Variants in RAPGEF4 observed in about 807,000 individuals in gnomAD.
The protein encoded by RAPGEF4 is Rap guanine nucleotide exchange factor 4.
In RAPGEF4, 66 loss-of-function variants were observed where a neutral mutation model predicts 147.9. The observed-to-expected ratio is 0.45, with a 90% confidence interval of 0.37 to 0.55. The LOEUF (loss-of-function observed/expected upper bound fraction) is 0.55. Ranked by LOEUF, RAPGEF4 falls within the 20% of genes least tolerant of loss-of-function variation. RAPGEF4 has a pLI of 0.00. For missense variants in RAPGEF4, 1,071 were observed against 1,257.3 expected (o/e 0.85, Z 2.24); for synonymous variants, 419 against 442.7 (o/e 0.95, Z 0.67).
intron 30 of RAPGEF4, among the ~76,000 whole-genome samples, chr2:173,050,319 C>T (rs773017462): frequency 1.2e-4 from 19 of 152,210 alleles, no homozygotes; most frequent in Non-Finnish European, 2.6e-4. Context: ...GGAAATTAAA[C>T]ACAATGTGCT....
chr2:172,967,211 C>T, intron 9 of RAPGEF4, 50 bp from the exon 10 acceptor site: 1 of 1,555,242 alleles, frequency 6.4e-7, no homozygotes, highest in Middle Eastern at 2.0e-4. Context: ...GTAAACGGAG[C>T]TGTGAGGCCG....
At chr2:172,873,697 T>G (rs1292597609) in intron 4 of RAPGEF4, among the ~76,000 whole-genome samples, 1 of 152,128 alleles carries the variant, frequency 6.6e-6, no homozygotes, top group Non-Finnish European at 1.5e-5. Context: ...AACTGACAAA[T>G]GGGTTCTAAT....
intron 1 of RAPGEF4, among the ~76,000 whole-genome samples, chr2:172,772,244 A>G (rs1204081117): frequency 6.6e-6 from 1 of 152,146 alleles, no homozygotes; most frequent in Non-Finnish European, 1.5e-5. Context: ...TCTCAAAGAT[A>G]ATTTTTGAAC....
At chr2:173,038,463 C>T (rs1684325957) in intron 29 of RAPGEF4, among the ~76,000 whole-genome samples, 1 of 152,138 alleles carries the variant, frequency 6.6e-6, no homozygotes, top group African/African-American at 2.4e-5. Context: ...GTTTTGATGG[C>T]TATCATTCTC....
chr2:172,793,317 G>T (rs1490436696), intron 1 of RAPGEF4, among the ~76,000 whole-genome samples: 2 of 152,148 alleles, frequency 1.3e-5, no homozygotes, highest in African/African-American at 4.8e-5. Context: ...ACATGCACAG[G>T]TGCTGAGTAT....
At position 172,985,472 on chromosome 2, in the gene RAPGEF4, C is replaced by T. The variant is rs1692153198; in HGVS notation, c.1129C>T (p.His377Tyr). 1.2e-6 allele frequency: 2 copies of T among 1,613,924 alleles called. No homozygotes were observed. The highest frequency in any genetic ancestry group is 1.7e-6 in the Non-Finnish European group (2 of 1,179,934). Residue 377 changes from histidine to tyrosine, a missense_variant, in exon 12 of 31, where the codon CAC becomes TAC. Physicochemically the swap from His to Tyr is moderately conservative, Grantham distance 83. Transcript: ENST00000397081. Reference protein sequence around the residue: ...ELAGVLIFESHAKGGTVLFNQ... With the variant: ...ELAGVLIFESYAKGGTVLFNQ... The stretch of plus-strand genomic sequence containing the variant: ...AGCAGGTGTTCTCATTTTTGAGTCT[C>T]ACGCCAAAGGAGGGACTGTGTGTAA...
chr2:173,012,073 G>A (rs1695082202), intron 17 of RAPGEF4, among the ~76,000 whole-genome samples: 2 of 152,196 alleles, frequency 1.3e-5, no homozygotes, highest in African/African-American at 4.8e-5. Flanking sequence ...AGGGCACAGT[G>A]TGACATTCTT....
rs750507002 is a variant in RAPGEF4 at position 172,985,432 on chromosome 2, G to A, written c.1090-1G>A. On this transcript the variant is annotated splice_acceptor_variant, in intron 11 of 30. Transcript: ENST00000397081. LOFTEE classifies it high-confidence loss of function. ...GCATGTTTCTTCTGTTTTTCTTCTA[G>A]GTGAAACGAGAGTTAGCAGGTGTTC... 6.2e-7 allele frequency: 1 copy of A among 1,613,866 alleles called. No homozygotes were observed. Among genetic ancestry groups the A allele is most frequent in the East Asian group, 2.2e-5 (1 of 44,870 alleles).
chr2:172,990,952 G>C, intron 15 of RAPGEF4, 27 bp downstream of exon 15: 6 of 1,497,458 alleles, frequency 4.0e-6, no homozygotes, highest in Non-Finnish European at 5.6e-6. Flanking sequence ...CACTGTAATT[G>C]CCAGACTATG....
At chr2:172,917,477 AG>A (rs770772027) in intron 4 of RAPGEF4, 1 of 610,346 alleles carries the variant, frequency 1.6e-6, no homozygotes, top group Non-Finnish European at 3.1e-6. Flanking sequence ...CTCTACAAAA[AG>A]CTGAGCTTGT....
intron 25 of RAPGEF4, among the ~76,000 whole-genome samples, chr2:173,028,979 A>G (rs1696922679): frequency 6.6e-6 from 1 of 152,222 alleles, no homozygotes; most frequent in African/African-American, 2.4e-5. Flanking sequence ...CTAGAAAGGC[A>G]GGTCTACAGC....
In RAPGEF4 at chr2:172,936,320, T is replaced by C. The variant is rs1036198478; in HGVS notation, c.537+14020T>C. Among the ~76,000 whole-genome samples, 4 of 152,222 alleles carry C rather than the reference T, an allele frequency of 2.6e-5. No homozygotes were observed. In the East Asian group the frequency reaches 7.7e-4, roughly 29 times the overall value. ...AGGCAGAGGTTGTAGTGAGCTGAGA[T>C]TGAGCCACTGTACTCCAGCCTGGAC... On this transcript the variant is annotated intron_variant, in intron 6 of 30. Transcript: ENST00000397081.
At chr2:172,929,949 T>C (rs757816964) in intron 6 of RAPGEF4, among the ~76,000 whole-genome samples, 9 of 152,174 alleles carry the variant, frequency 5.9e-5, no homozygotes, top group Non-Finnish European at 1.3e-4. Flanking sequence ...AGAATAATAG[T>C]AGCATCTTGC....
chr2:172,944,400 G>C (rs972515797), intron 6 of RAPGEF4, among the ~76,000 whole-genome samples: 13 of 152,182 alleles, frequency 8.5e-5, no homozygotes, highest in Non-Finnish European at 1.5e-5. Flanking sequence ...ATGTTAGGTA[G>C]AGATAGAGGC....
chr2:172,938,567 C>T (rs2105313893), intron 6 of RAPGEF4, among the ~76,000 whole-genome samples: 1 of 152,336 alleles, frequency 6.6e-6, no homozygotes, highest in African/African-American at 2.4e-5. Context: ...GCACCTTCCT[C>T]ACCTGCCTCT....
At chr2:172,896,537 A>G (rs1698492549) in intron 4 of RAPGEF4, among the ~76,000 whole-genome samples, 1 of 152,198 alleles carries the variant, frequency 6.6e-6, no homozygotes, top group Non-Finnish European at 1.5e-5. Flanking sequence ...GTGACAAAGC[A>G]GAAAACCTTA....
chr2:172,817,322 G>C, intron 4 of RAPGEF4, among the ~76,000 whole-genome samples: 1 of 152,278 alleles, frequency 6.6e-6, no homozygotes, highest in East Asian at 1.9e-4. Flanking sequence ...TTTGAATGTT[G>C]ATGATCTATA....
In RAPGEF4 at chr2:172,965,589, G is replaced by A. The variant is rs754433258; in HGVS notation, c.726G>A (p.Val242=). The A allele has an allele frequency of 6.8e-6, 11 of 1,613,628 alleles. 1 individual carries two copies. Among genetic ancestry groups the A allele is most frequent in the Admixed American group, 5.0e-5 (3 of 59,996 alleles). The change falls in exon 9 of 31, where the codon GTG becomes GTA. Residue 242 remains valine, a synonymous_variant. Transcript: ENST00000397081. The part of the protein sequence containing the change: ...YRQCCVGTEL[V]DWMMQQTPCV... ...AATGCTGTGTGGGAACTGAACTGGT[G>A]GACTGGATGATGCAGCAGACACCAT... is the stretch of plus-strand genomic sequence containing the variant.
chr2:172,894,941 T>A (rs1358880827), intron 4 of RAPGEF4, among the ~76,000 whole-genome samples: 7 of 152,164 alleles, frequency 4.6e-5, no homozygotes, highest in Admixed American at 4.6e-4. Flanking sequence ...ACTTTCTGCA[T>A]GTTTGTTGCC....
Sources: gnomAD v4.1 joint callset for allele counts (sites outside exome capture counted in the v4.1 genomes callset) on GRCh38, gnomAD v4.1.1 for gene constraint, MANE v1.5 for transcripts, NCBI Gene and HGNC (gene_info 2026-07-23, HGNC 2026-07-21) for gene names.